POLRMT: variants seen among roughly 807,000 people sequenced by gnomAD.
POLRMT encodes the protein RNA polymerase mitochondrial.
In POLRMT, 114 loss-of-function variants were observed where a neutral mutation model predicts 132.2. That is an observed-to-expected ratio of 0.86 (90% CI 0.74 to 1.01). The LOEUF (loss-of-function observed/expected upper bound fraction) is 1.01, where lower values mean the gene tolerates loss of function less well. Ranked by LOEUF, POLRMT falls within the 50% of genes least tolerant of loss-of-function variation. POLRMT has a pLI of 0.00. For synonymous variants in POLRMT, 1,020 were observed against 773.4 expected, an observed-to-expected ratio of 1.32 and a Z score of -5.29; for missense variants, 2,003 against 1,729.1, an observed-to-expected ratio of 1.16 and a Z score of -2.81.
At chr19:628,713 G>A (rs999361196) in intron 3 of POLRMT, among the ~76,000 whole-genome samples, 2 of 152,088 alleles carry the variant, frequency 1.3e-5, no homozygotes, top group African/African-American at 2.4e-5. Flanking sequence ...GAGTTCCGAG[G>A]AGAAACTTTG....
In POLRMT at chr19:617,804, G is replaced by A. The variant is rs144281668; in HGVS notation, c.3468C>T (p.His1156=). Reference sequence around the variant, plus strand: ...GGTTCATGACGGAGACATCAGCTGCGTGAGTCCAGTAACAGTCGTGCACAG... The same window carrying A: ...GGTTCATGACGGAGACATCAGCTGCATGAGTCCAGTAACAGTCGTGCACAG... ...FVSVHDCYWT[H]AADVSVMNQV... Residue 1156 remains histidine, a synonymous_variant, in exon 18 of 21, where the codon CAC becomes CAT. Transcript: ENST00000588649. The A allele has an allele frequency of 2.2e-4, 359 of 1,613,356 alleles. 2 individuals carry two copies. The African/African-American group carries it at 2.9e-3, about 13-fold the overall frequency.
intron 1 of POLRMT, 163 bp from the exon 2 acceptor site, chr19:633,101 G>A (rs1985548331): frequency 3.2e-6 from 2 of 633,774 alleles, no homozygotes; most frequent in South Asian, 4.8e-5. Flanking sequence ...GAAGGTGGAA[G>A]GGCCCCGCCG....
At chr19:622,040 TACTG>T (rs1984651726) in intron 9 of POLRMT, 105 bp downstream of exon 9, 6 of 1,196,924 alleles carry the variant, frequency 5.0e-6, no homozygotes, top group Non-Finnish European at 5.7e-6. Context: ...TCCTGGGAGG[TACTG>T]ACGGCTGCGC....
chr19:629,955 C>A lies in POLRMT; in HGVS notation c.407G>T (p.Arg136Leu). The A allele has an allele frequency of 6.2e-7, 1 of 1,613,798 alleles. No homozygotes were observed. The highest frequency in any genetic ancestry group is 8.5e-7 in the Non-Finnish European group (1 of 1,180,028). Reference sequence around the variant, plus strand: ...CAGCTTCGCCTTCAACCGCTGCATACGCATCTGCTGGGTCCGCTTATCCTT... The same window carrying A: ...CAGCTTCGCCTTCAACCGCTGCATAAGCATCTGCTGGGTCCGCTTATCCTT... ...LEKDKRTQQM[R>L]MQRLKAKLQM... Residue 136 changes from arginine (R) to leucine (L), a missense_variant, in exon 3 of 21, where the codon CGT becomes CTT. Transcript: ENST00000588649.
rs936759282 is a variant in POLRMT, at chr19:627,069, C to T, written c.823-1815G>A. 2.0e-5 allele frequency among the ~76,000 whole-genome samples: 3 copies of T among 151,942 alleles called. No homozygotes were observed. The South Asian group carries it at 6.2e-4, about 31-fold the overall frequency. Reference sequence around the variant, plus strand: ...AAAAAAATTCCCTTACATCCTCCCACCCCATAGTCCTGCAGCTGAAGACAT... The same window carrying T: ...AAAAAAATTCCCTTACATCCTCCCATCCCATAGTCCTGCAGCTGAAGACAT... On this transcript the variant is annotated intron_variant, in intron 3 of 20. Transcript: ENST00000588649.
intron 10 of POLRMT, 146 bp from the exon 11 acceptor site, chr19:620,633 C>A: frequency 4.6e-6 from 5 of 1,087,522 alleles, no homozygotes; most frequent in Non-Finnish European, 6.3e-6. Flanking sequence ...AGAGACGGGG[C>A]GGTGGCTGGA....
At chr19:619,936 C>A (rs372435377) in intron 12 of POLRMT, 22 bp downstream of exon 12, 72 of 1,599,972 alleles carry the variant, frequency 4.5e-5, no homozygotes, top group Non-Finnish European at 5.3e-5. Flanking sequence ...GAGATGCCCC[C>A]GGGCAGCAGG....
intron 10 of POLRMT, 78 bp downstream of exon 10, chr19:620,980 C>G: frequency 4.6e-6 from 4 of 861,482 alleles, no homozygotes; most frequent in Non-Finnish European, 4.4e-6. Context: ...CGCGGGGGCG[C>G]CGGGGGAGGG....
intron 19 of POLRMT, 40 bp downstream of exon 19, chr19:617,530 G>GC: frequency 2.5e-6 from 4 of 1,608,390 alleles, no homozygotes; most frequent in Non-Finnish European, 3.4e-6. Context: ...TTTTGGGGTG[G>GC]GGGGGGAATC....
chr19:624,656 C>T, intron 5 of POLRMT, 63 bp downstream of exon 5: 2 of 1,552,350 alleles, frequency 1.3e-6, no homozygotes, highest in Non-Finnish European at 1.7e-6. Flanking sequence ...TGAGCTGAGG[C>T]TCCAGGAACC....
intron 5 of POLRMT, 129 bp from the exon 6 acceptor site, chr19:623,732 G>A: frequency 3.5e-6 from 4 of 1,138,746 alleles, no homozygotes; most frequent in Non-Finnish European, 5.0e-6. Context: ...CGCTGACGCG[G>A]GGAAAGGCGG....
At chr19:626,910 T>C (rs899973363) in intron 3 of POLRMT, among the ~76,000 whole-genome samples, 2 of 124,896 alleles carry the variant, frequency 1.6e-5, no homozygotes, top group Admixed American at 1.5e-4. Context: ...TATATATATA[T>C]ATATAAAATA....
Position 622,711 on chromosome 19 carries a change from G to A in POLRMT, c.1497C>T (p.Thr499=), listed in dbSNP as rs1367071503. The A allele has an allele frequency of 1.9e-6, 3 of 1,603,252 alleles. No individual in the cohort carries two copies. The highest frequency in any genetic ancestry group is 2.6e-6 in the Non-Finnish European group (3 of 1,176,234). ...TGCGCGCACTCAGCTCCCGGGCCAG[G>A]GTGGTGAAGGACTCACCTTGGGCGG... ...ALPAQGESFT[T]LARELSARTF... is the part of the protein sequence containing the mutation. The change falls in exon 8 of 21, where the codon ACC becomes ACT. Residue 499 remains threonine (T), a synonymous_variant. Coordinates refer to ENST00000588649, the MANE Select transcript of POLRMT (RefSeq NM_005035.4).
At chr19:631,552 T>C (rs1485955214) in intron 2 of POLRMT, among the ~76,000 whole-genome samples, 1 of 151,822 alleles carries the variant, frequency 6.6e-6, no homozygotes, top group Non-Finnish European at 1.5e-5. Flanking sequence ...GGCAGGAGAA[T>C]TGCTTGAACT....
chr19:617,993 G>A lies in POLRMT; in HGVS notation c.3423-144C>T, dbSNP rs555413985. 1.4e-4 allele frequency: 76 copies of A among 530,558 alleles called. 1 individual carries two copies. The highest frequency in any genetic ancestry group is 5.8e-4 in the Admixed American group (18 of 31,142). The allele number at this position is 530,558 out of a possible 1,614,324, so 32.9% of individuals were successfully genotyped here. A position where few individuals can be genotyped will look rare whatever the true frequency, so the allele number is the denominator to read the frequency against. ...CAGGCCTCGCCCCACCCCTCGCCCC[G>A]CCCCTCCCCAAACATCCTGGGTTAG... On this transcript the variant is annotated intron_variant, in intron 17 of 20. Transcript: ENST00000588649.
rs756467454 is a variant in POLRMT at position 632,889 on chromosome 19, G to C, written c.138C>G (p.Pro46=). 2 of 1,546,592 alleles carry C rather than the reference G, an allele frequency of 1.3e-6. No individual in the cohort carries two copies. Among genetic ancestry groups the C allele is most frequent in the South Asian group, 2.4e-5 (2 of 84,850 alleles). Residue 46 remains proline (P), a synonymous_variant, in exon 2 of 21, where the codon CCC becomes CCG. Coordinates refer to ENST00000588649, the MANE Select transcript of POLRMT (RefSeq NM_005035.4). ...TCCTGCGGTCTTGGTCTTGCTCCTG[G>C]GGGCTGGCGGACGAGCTCCTCCTGG... ...CGPRRSSSAS[P]QEQDQDRRKD... is the part of the protein sequence containing the mutation.
Position 622,895 on chromosome 19 carries a change from A to G in POLRMT, c.1381T>C (p.Tyr461His), listed in dbSNP as rs1285074216. Residue 461 changes from tyrosine (Y) to histidine (H), a missense_variant, in exon 7 of 21, where the codon TAC becomes CAC. Tyr to His is a moderately conservative substitution (Grantham distance 83, BLOSUM62 2). Coordinates refer to ENST00000588649, the MANE Select transcript of POLRMT (RefSeq NM_005035.4). The stretch of plus-strand genomic sequence containing the variant: ...GGGTAAAGTGAGAACCGGCCCTCGT[A>G]CACCTCGCGCTCTAGGCGGTTCTTG... ...ETKNRLEREV[Y>H]EGRFSLYPFL... 1 of 1,612,084 alleles carries G rather than the reference A, an allele frequency of 6.2e-7. No individual in the cohort carries two copies. The highest frequency in any genetic ancestry group is 1.7e-5 in the Admixed American group (1 of 59,902).
intron 1 of POLRMT, 31 bp from the exon 2 acceptor site, chr19:632,969 G>A: frequency 8.9e-6 from 13 of 1,455,014 alleles, no homozygotes; most frequent in Non-Finnish European, 1.1e-5. Flanking sequence ...GCTGAGCGGG[G>A]CCGGGCGTGT....
intron 12 of POLRMT, 39 bp downstream of exon 12, chr19:619,919 C>T (rs773328500): frequency 1.3e-6 from 2 of 1,598,800 alleles, no homozygotes; most frequent in East Asian, 4.5e-5. Context: ...CACATTGCCC[C>T]CACGCCGAGA....
Sources: gnomAD v4.1 joint callset for allele counts (sites outside exome capture counted in the v4.1 genomes callset) on GRCh38, gnomAD v4.1.1 for gene constraint, MANE v1.5 for transcripts, NCBI Gene and HGNC (gene_info 2026-07-23, HGNC 2026-07-21) for gene names.